Variants in NEGR1 observed in about 807,000 individuals in gnomAD.
NEGR1 encodes the protein IgLON family member 4.
Under a neutral mutation model 40.9 loss-of-function variants are expected in NEGR1, and 10 were observed. That is an observed-to-expected ratio of 0.24 (90% confidence interval 0.15 to 0.42). The LOEUF (loss-of-function observed/expected upper bound fraction) is 0.42, where lower values mean the gene tolerates loss of function less well. NEGR1 is among the 10% of genes least tolerant of loss of function. The pLI is 1.00. For missense variants in NEGR1, 352 were observed against 438.9 expected, an observed-to-expected ratio of 0.80 and a Z score of 1.77; for synonymous variants, 185 against 166.8, an observed-to-expected ratio of 1.11 and a Z score of -0.84.
chr1:71,591,458 C>T (rs1476424472), intron 6 of NEGR1, among the ~76,000 whole-genome samples: 35 of 152,078 alleles, frequency 2.3e-4, no homozygotes, highest in Non-Finnish European at 2.9e-5. Context: ...TTAAATTTTT[C>T]TTTACTTTGC....
rs142470568 is a variant in NEGR1 at position 71,894,855 on chromosome 1, C to T, written c.409+40224G>A. On this transcript the variant is annotated intron_variant, in intron 2 of 6. Transcript: ENST00000357731. ...CCCAGGAGTTTGAGGATATAGTGTG[C>T]TATAATCATGCCTGTGAATAGCCAC... is the stretch of plus-strand genomic sequence containing the variant. Among the ~76,000 whole-genome samples, 29 of 152,120 alleles carry T rather than the reference C, an allele frequency of 1.9e-4. No individual in the cohort carries two copies. The East Asian group carries it at 5.2e-3, about 27-fold the overall frequency.
intron 2 of NEGR1, among the ~76,000 whole-genome samples, chr1:71,854,851 G>A (rs1046244510): frequency 6.6e-6 from 1 of 152,120 alleles, no homozygotes; most frequent in Non-Finnish European, 1.5e-5. Flanking sequence ...CACCAGGTCC[G>A]TCCCAGGACA....
At chr1:72,036,354 G>T (rs1266428785) in intron 1 of NEGR1, among the ~76,000 whole-genome samples, 1 of 151,912 alleles carries the variant, frequency 6.6e-6, no homozygotes, top group East Asian at 1.9e-4. Flanking sequence ...CACTACAAAG[G>T]TACAATTAAA....
intron 4 of NEGR1, among the ~76,000 whole-genome samples, chr1:71,671,893 C>CTTTTTTTTTTTTT (rs10708807): frequency 1.6e-5 from 2 of 121,582 alleles, no homozygotes; most frequent in African/African-American, 2.9e-5. Context: ...CTCTCTCTCT[C>CTTTTTTTTTTTTT]TTTTTTTTTT....
chr1:72,197,397 A>G (rs1328091457), intron 1 of NEGR1, among the ~76,000 whole-genome samples: 5 of 152,008 alleles, frequency 3.3e-5, no homozygotes, highest in African/African-American at 9.7e-5. Context: ...ACTTCAATAT[A>G]TTATATTTTA....
chr1:71,737,177 T>C (rs1235957292), intron 3 of NEGR1, among the ~76,000 whole-genome samples: 1 of 152,216 alleles, frequency 6.6e-6, no homozygotes, highest in Admixed American at 6.5e-5. Context: ...TTTTCAACTT[T>C]TGAAAAGGGA....
intron 6 of NEGR1, among the ~76,000 whole-genome samples, chr1:71,575,639 T>C (rs536548341): frequency 1.2e-4 from 18 of 152,034 alleles, no homozygotes; most frequent in African/African-American, 4.3e-4. Context: ...AAAAATTAGC[T>C]GGGCATGGTG....
intron 2 of NEGR1, among the ~76,000 whole-genome samples, chr1:71,903,730 TAC>T (rs144246015): frequency 1.5e-4 from 22 of 150,812 alleles, no homozygotes; most frequent in African/African-American, 3.4e-4. Context: ...TGTATATATG[TAC>T]ACACACACAC....
chr1:71,430,532 C>T (rs935155096), intron 6 of NEGR1, among the ~76,000 whole-genome samples: 3 of 152,018 alleles, frequency 2.0e-5, no homozygotes, highest in African/African-American at 7.2e-5. Context: ...ATTATCCAGA[C>T]TTTCCAACAT....
chr1:71,763,809 G>C (rs1358582993), intron 3 of NEGR1, among the ~76,000 whole-genome samples: 3 of 151,684 alleles, frequency 2.0e-5, no homozygotes, highest in Non-Finnish European at 4.4e-5. Flanking sequence ...ATAGGGAAGT[G>C]AGAAAACATC....
chr1:71,925,368 G>A (rs552313734), intron 2 of NEGR1, among the ~76,000 whole-genome samples: 18 of 152,222 alleles, frequency 1.2e-4, no homozygotes, highest in East Asian at 1.9e-4. Flanking sequence ...CTTTTTCCCC[G>A]AATCTTTCCA....
intron 6 of NEGR1, among the ~76,000 whole-genome samples, chr1:71,570,093 G>A (rs1044064532): frequency 6.6e-6 from 1 of 152,148 alleles, no homozygotes. Context: ...GATAATTTGC[G>A]AACCATTTTC....
intron 6 of NEGR1, among the ~76,000 whole-genome samples, chr1:71,551,545 G>A (rs977687783): frequency 6.6e-6 from 1 of 151,476 alleles, no homozygotes. Flanking sequence ...TAAGATCTTA[G>A]GTAAATTATT....
rs1557555556 is a variant in NEGR1 at position 72,158,999 on chromosome 1, GC to G, written c.176+123319del. 2.0e-5 allele frequency among the ~76,000 whole-genome samples: 3 copies of G among 152,066 alleles called. No homozygotes were observed. The East Asian group carries it at 5.8e-4, about 29-fold the overall frequency. On this transcript the variant is annotated intron_variant, in intron 1 of 6. Transcript: ENST00000357731. ...AACACAGTTCTTTGATCCTTGCGAG[GC>G]TGAATAAAACATCTGCTGAGACTGC...
chr1:72,080,487 A>T (rs902002128), intron 1 of NEGR1, among the ~76,000 whole-genome samples: 1 of 152,132 alleles, frequency 6.6e-6, no homozygotes, highest in Non-Finnish European at 1.5e-5. Context: ...TGTAATATGG[A>T]ACCTGTTGAT....
intron 2 of NEGR1, among the ~76,000 whole-genome samples, chr1:71,910,256 G>C (rs1454758099): frequency 1.3e-5 from 2 of 152,194 alleles, no homozygotes; most frequent in African/African-American, 4.8e-5. Context: ...TTAGAATCCA[G>C]TGTATAAACT....
intron 2 of NEGR1, among the ~76,000 whole-genome samples, chr1:71,813,730 T>C (rs1409841944): frequency 1.3e-5 from 2 of 152,102 alleles, no homozygotes; most frequent in Non-Finnish European, 2.9e-5. Flanking sequence ...TCTGACTTTC[T>C]GCTTGTCTAT....
intron 6 of NEGR1, among the ~76,000 whole-genome samples, chr1:71,410,087 T>C (rs1226062822): frequency 3.3e-5 from 5 of 152,118 alleles, no homozygotes; most frequent in Admixed American, 6.6e-5. Context: ...TAGCGTATTT[T>C]AAATTTATTA....
rs999784492 is a variant in NEGR1, at chr1:71,923,009, A to C, written c.409+12070T>G. ...AGTGTCAACAGGGGAAACAGACCAG[A>C]GAGAAAAAATACAGAAGAATTTTCT... On this transcript the variant is annotated intron_variant, in intron 2 of 6. Coordinates refer to ENST00000357731, the MANE Select transcript of NEGR1 (RefSeq NM_173808.3). Among the ~76,000 whole-genome samples the C allele has an allele frequency of 2.0e-5, 3 of 152,164 alleles. No individual in the cohort carries two copies. In the South Asian group the frequency reaches 6.2e-4, roughly 31 times the overall value.
Sources: allele counts gnomAD v4.1 joint callset (sites outside exome capture counted in the v4.1 genomes callset), GRCh38; gene constraint gnomAD v4.1.1; transcripts MANE v1.5; gene names NCBI Gene and HGNC (gene_info 2026-07-23, HGNC 2026-07-21).